GABRA2: variants seen among roughly 807,000 people sequenced by gnomAD.
GABRA2 encodes the protein gamma-aminobutyric acid type A receptor subunit alpha2, also known as gamma-aminobutyric acid receptor subunit alpha-2.
In GABRA2, 16 loss-of-function variants were observed where a neutral mutation model predicts 48.7. The observed-to-expected ratio is 0.33, with a 90% CI of 0.22 to 0.50. The LOEUF (loss-of-function observed/expected upper bound fraction) is 0.50, where lower values mean the gene tolerates loss of function less well. Ranked by LOEUF, GABRA2 falls within the 20% of genes least tolerant of loss-of-function variation. GABRA2 has a pLI of 0.98. For missense variants in GABRA2, 275 were observed against 535.6 expected (o/e 0.51, Z 4.80); for synonymous variants, 185 against 184.5 (o/e 1.00, Z -0.02).
chr4:46,386,485 G>A (rs944604820), intron 2 of GABRA2, among the ~76,000 whole-genome samples: 6 of 151,688 alleles, frequency 4.0e-5, no homozygotes, highest in African/African-American at 1.2e-4. Context: ...CCATCTCCTG[G>A]GATATATTAT....
At chr4:46,340,839 C>T (rs1166922868) in intron 3 of GABRA2, among the ~76,000 whole-genome samples, 1 of 151,872 alleles carries the variant, frequency 6.6e-6, no homozygotes, top group East Asian at 1.9e-4. Context: ...CCTTTCTTTC[C>T]TTTCCTTCTA....
intron 4 of GABRA2, among the ~76,000 whole-genome samples, chr4:46,328,291 TGTGTGC>T (rs982483725): frequency 4.5e-4 from 56 of 123,948 alleles, no homozygotes; most frequent in African/African-American, 9.9e-4. Flanking sequence ...TGTGTGTGTG[TGTGTGC>T]GCACACGCAT....
intron 9 of GABRA2, among the ~76,000 whole-genome samples, chr4:46,257,636 G>C (rs1040393809): frequency 1.3e-5 from 2 of 151,654 alleles, no homozygotes; most frequent in Admixed American, 1.3e-4. Context: ...TATTAGCTTA[G>C]CTCCTTGAAT....
intron 8 of GABRA2, among the ~76,000 whole-genome samples, chr4:46,268,077 A>G (rs1718604546): frequency 6.6e-6 from 1 of 152,016 alleles, no homozygotes; most frequent in South Asian, 2.1e-4. Flanking sequence ...GAAAACAACA[A>G]CAACAACAAT....
intron 8 of GABRA2, among the ~76,000 whole-genome samples, chr4:46,291,580 GA>G (rs1164735283): frequency 6.6e-6 from 1 of 152,030 alleles, no homozygotes; most frequent in Non-Finnish European, 1.5e-5. Context: ...AGAAAAACGT[GA>G]AAAGGCTAGC....
In GABRA2 at chr4:46,375,142, T is replaced by G. The variant is rs368003528; in HGVS notation, c.187+10932A>C. On this transcript the variant is annotated intron_variant, in intron 3 of 9. Coordinates refer to ENST00000381620, the MANE Select transcript of GABRA2 (RefSeq NM_000807.4). ...TACCACTAATGCTAATTACTTAAAC[T>G]GCAAAATCCAGTGAAGAATTTGAAG... is the stretch of plus-strand genomic sequence containing the variant. Among the ~76,000 whole-genome samples, 5 of 152,212 alleles carry G rather than the reference T, an allele frequency of 3.3e-5. No individual in the cohort carries two copies. In the East Asian group the frequency reaches 5.8e-4, roughly 18 times the overall value.
chr4:46,303,246 A>C (rs1166749389), intron 8 of GABRA2: 3 of 518,698 alleles, frequency 5.8e-6, no homozygotes, highest in Non-Finnish European at 1.0e-5. Context: ...AGTGTGTTTT[A>C]AGAATATTTG....
intron 3 of GABRA2, among the ~76,000 whole-genome samples, chr4:46,374,569 A>T (rs577588141): frequency 6.6e-6 from 1 of 152,250 alleles, no homozygotes; most frequent in East Asian, 1.9e-4. Context: ...CTACTCACAG[A>T]CAAAATCCAA....
At chr4:46,323,239 A>G (rs2109761817) in intron 4 of GABRA2, among the ~76,000 whole-genome samples, 1 of 152,038 alleles carries the variant, frequency 6.6e-6, no homozygotes, top group Non-Finnish European at 1.5e-5. Context: ...CTGGCTCGGA[A>G]TACTTTTCTA....
chr4:46,275,194 A>G (rs1720246519), intron 8 of GABRA2, among the ~76,000 whole-genome samples: 1 of 151,914 alleles, frequency 6.6e-6, no homozygotes, highest in Admixed American at 6.6e-5. Context: ...TGACCAAACT[A>G]CTCTGTTCCT....
At position 46,246,368 on chromosome 4, in the gene GABRA2, A is replaced by G. The variant is rs1713716022; in HGVS notation, c.*3940T>C. On this transcript the variant is annotated 3_prime_UTR_variant, in exon 10 of 10. Coordinates refer to ENST00000381620, the MANE Select transcript of GABRA2 (RefSeq NM_000807.4). ...ATTTACTTTAATTTTTAGAGCATGAATTCAGTAGATAAAAATATGACTTGT... is the reference window on the plus strand; with the variant it reads ...ATTTACTTTAATTTTTAGAGCATGAGTTCAGTAGATAAAAATATGACTTGT... 6.6e-6 allele frequency among the ~76,000 whole-genome samples: 1 copy of G among 151,192 alleles called. No individual in the cohort carries two copies. Among genetic ancestry groups the G allele is most frequent in the Admixed American group, 6.6e-5 (1 of 15,100 alleles).
chr4:46,260,664 A>G (rs1658218858), intron 9 of GABRA2: 1 of 151,912 alleles, frequency 6.6e-6, no homozygotes. Context: ...TTGCATAGAT[A>G]CCATGAAAAA....
intron 3 of GABRA2, among the ~76,000 whole-genome samples, chr4:46,354,244 A>G (rs1735623009): frequency 6.6e-6 from 1 of 152,194 alleles, no homozygotes; most frequent in Non-Finnish European, 1.5e-5. Flanking sequence ...TGAAACTCAT[A>G]TCCAGCTCTA....
At chr4:46,338,714 A>G (rs1732697624) in intron 3 of GABRA2, among the ~76,000 whole-genome samples, 1 of 151,896 alleles carries the variant, frequency 6.6e-6, no homozygotes, top group South Asian at 2.1e-4. Context: ...CCATTAAAAA[A>G]GATTATTTCC....
rs1156449412 is a variant in GABRA2 at position 46,389,826 on chromosome 4, AGAGAGAGAGAG to A, written c.-113_-103del. ...GGGAGAGAGAGAGAGAGAGAGAGAG[AGAGAGAGAGAG>A]AGAGAGAGAGAGAGAGAGAGAGAGA... On this transcript the variant is annotated 5_prime_UTR_variant, in exon 1 of 10. Transcript: ENST00000381620. 1.1e-6 allele frequency: 1 copy of A among 944,746 alleles called. No individual in the cohort carries two copies. Among genetic ancestry groups the A allele is most frequent in the African/African-American group, 2.0e-5 (1 of 49,328 alleles). The allele number at this position is 944,746 out of a possible 1,614,324, so 58.5% of individuals were successfully genotyped here.
At chr4:46,318,620 TAAG>T (rs1728937203) in intron 4 of GABRA2, among the ~76,000 whole-genome samples, 1 of 151,744 alleles carries the variant, frequency 6.6e-6, no homozygotes. Context: ...TTGTGTTTTA[TAAG>T]AAATTTACCA....
chr4:46,265,475 T>TATATAATATA (rs1560448766), intron 8 of GABRA2, among the ~76,000 whole-genome samples: 10 of 99,436 alleles, frequency 1.0e-4, no homozygotes, highest in African/African-American at 4.2e-4. Flanking sequence ...ATATAATATA[T>TATATAATATA]TGTGTATATA....
chr4:46,337,856 T>C lies in GABRA2; in HGVS notation c.188-5174A>G, dbSNP rs1732528609. ...GGAAAGTAAATGGAGGGTAAGGACA[T>C]GAAGAGAGTAAGTGGAAAATATTCT... On this transcript the variant is annotated intron_variant, in intron 3 of 9. Coordinates refer to ENST00000381620, the MANE Select transcript of GABRA2 (RefSeq NM_000807.4). Among the ~76,000 whole-genome samples, 5 of 151,778 alleles carry C rather than the reference T, an allele frequency of 3.3e-5. No individual in the cohort carries two copies. In the South Asian group the frequency reaches 1.0e-3, roughly 31 times the overall value.
At chr4:46,351,447 A>G (rs888244091) in intron 3 of GABRA2, among the ~76,000 whole-genome samples, 3 of 152,026 alleles carry the variant, frequency 2.0e-5, no homozygotes, top group Admixed American at 2.0e-4. Context: ...AAGTTCTTAA[A>G]CTCAGCATTC....
Sources: gnomAD v4.1 joint callset for allele counts (sites outside exome capture counted in the v4.1 genomes callset) on GRCh38, gnomAD v4.1.1 for gene constraint, MANE v1.5 for transcripts, NCBI Gene and HGNC (gene_info 2026-07-23, HGNC 2026-07-21) for gene names.